The following USP13 variants were observed in gnomAD, a reference collection of about 807,000 sequenced individuals.
The protein encoded by USP13 is ubiquitin specific peptidase 13.
In USP13, 68 loss-of-function variants were observed where a neutral mutation model predicts 107.8. The observed-to-expected ratio is 0.63, with a 90% CI of 0.52 to 0.77. The LOEUF is 0.77. USP13 is among the 30% of genes least tolerant of loss of function. USP13 has a pLI of 0.00. For missense variants in USP13, 945 were observed against 1,093.3 expected (o/e 0.86, Z 1.91); for synonymous variants, 377 against 389.5 (o/e 0.97, Z 0.38).
intron 2 of USP13, among the ~76,000 whole-genome samples, chr3:179,688,986 C>G (rs1711995844): frequency 6.6e-6 from 1 of 152,146 alleles, no homozygotes; most frequent in African/African-American, 2.4e-5. Context: ...GAACTGTAAA[C>G]CTGTAGTAGA....
At chr3:179,708,636 A>AAATG in intron 5 of USP13, 137 bp from the exon 6 acceptor site, 3 of 1,125,700 alleles carry the variant, frequency 2.7e-6, no homozygotes, top group Non-Finnish European at 3.8e-6. Flanking sequence ...TGAGGGGAGA[A>AAATG]AATGGGGAAG....
chr3:179,697,339 C>A (rs1712361610), intron 3 of USP13, among the ~76,000 whole-genome samples: 1 of 152,180 alleles, frequency 6.6e-6, no homozygotes, highest in African/African-American at 2.4e-5. Flanking sequence ...GATTTTGCAG[C>A]CCTTGGACAG....
At chr3:179,682,586 T>C (rs1227725454) in intron 2 of USP13, among the ~76,000 whole-genome samples, 1 of 152,184 alleles carries the variant, frequency 6.6e-6, no homozygotes, top group Non-Finnish European at 1.5e-5. Context: ...GAAGAGTTTT[T>C]CCCCTCGGCA....
intron 6 of USP13, among the ~76,000 whole-genome samples, chr3:179,709,495 C>T (rs1458957134): frequency 3.3e-5 from 5 of 152,148 alleles, no homozygotes; most frequent in Admixed American, 1.3e-4. Flanking sequence ...TCACATTCTC[C>T]GGGGGATTAG....
chr3:179,759,075 G>A (rs532541630), intron 16 of USP13, among the ~76,000 whole-genome samples: 8 of 152,032 alleles, frequency 5.3e-5, no homozygotes, highest in East Asian at 3.9e-4. Flanking sequence ...TCTGCCTCCC[G>A]GGTTCAAGCA....
intron 2 of USP13, among the ~76,000 whole-genome samples, chr3:179,686,099 C>T (rs1234949046): frequency 2.0e-5 from 3 of 152,210 alleles, no homozygotes; most frequent in Non-Finnish European, 2.9e-5. Flanking sequence ...TGCGCCCTCT[C>T]CCTGCCCAGC....
chr3:179,670,415 A>C (rs1560042728), intron 1 of USP13, among the ~76,000 whole-genome samples: 2 of 152,260 alleles, frequency 1.3e-5, no homozygotes, highest in East Asian at 3.9e-4. Flanking sequence ...CCTCTAGAGA[A>C]GACATCACGG....
intron 13 of USP13, among the ~76,000 whole-genome samples, chr3:179,746,045 T>C (rs1040527041): frequency 6.6e-5 from 10 of 151,926 alleles, no homozygotes; most frequent in African/African-American, 1.9e-4. Flanking sequence ...TCCAGGAGTT[T>C]TGCTACGTTC....
intron 4 of USP13, among the ~76,000 whole-genome samples, chr3:179,703,824 G>A (rs1053412403): frequency 1.3e-5 from 2 of 152,150 alleles, no homozygotes; most frequent in Admixed American, 1.3e-4. Context: ...AGGAAGTGAA[G>A]AATTTTTGAT....
At chr3:179,779,686 T>C (rs1468028653) in intron 19 of USP13, among the ~76,000 whole-genome samples, 4 of 146,068 alleles carry the variant, frequency 2.7e-5, no homozygotes, top group Non-Finnish European at 4.5e-5. Context: ...TGCTGCAATC[T>C]GTTGAAAGTC....
At chr3:179,715,021 C>T (rs1467103014) in intron 6 of USP13, among the ~76,000 whole-genome samples, 3 of 151,658 alleles carry the variant, frequency 2.0e-5, no homozygotes, top group South Asian at 4.2e-4. Context: ...AGGTGCTTGC[C>T]ACCACACTCC....
intron 2 of USP13, among the ~76,000 whole-genome samples, chr3:179,682,316 T>TAA (rs34391474): frequency 6.3e-4 from 94 of 149,910 alleles, no homozygotes; most frequent in East Asian, 2.8e-3. Context: ...CCAAAAATCA[T>TAA]AAAAAAAAAC....
chr3:179,755,022 T>C (rs761705820), intron 15 of USP13, among the ~76,000 whole-genome samples, 168 bp downstream of exon 15: 3 of 152,048 alleles, frequency 2.0e-5, no homozygotes, highest in East Asian at 1.9e-4. Flanking sequence ...ATGGCTGCAA[T>C]GGTAAACATA....
chr3:179,653,436 T>A lies in USP13; in HGVS notation c.168+43T>A. ...GGGGAGGGTCGCGGGGCCGGCGGCCTGCGGCACGTGAAGCCGGGGGAGAAG... is the reference window on the plus strand; with the variant it reads ...GGGGAGGGTCGCGGGGCCGGCGGCCAGCGGCACGTGAAGCCGGGGGAGAAG... On this transcript the variant is annotated intron_variant, in intron 1 of 20. Transcript: ENST00000263966. The surrounding 1 kb of genome is among the most constrained non-coding windows in gnomAD (Gnocchi z 4.0). The A allele has an allele frequency of 6.5e-7, 1 of 1,532,870 alleles. No homozygotes were observed. Among genetic ancestry groups the A allele is most frequent in the South Asian group, 1.2e-5 (1 of 83,156 alleles). The allele number at this position is 1,532,870 out of a possible 1,614,324, so 95.0% of individuals were successfully genotyped here. A position where few individuals can be genotyped will look rare whatever the true frequency, so the allele number is the denominator to read the frequency against.
chr3:179,757,773 A>G (rs556948292), intron 16 of USP13, among the ~76,000 whole-genome samples: 1 of 152,338 alleles, frequency 6.6e-6, no homozygotes, highest in South Asian at 2.1e-4. Context: ...ATGATTGATC[A>G]TGTAGCTTAG....
At chr3:179,764,797 C>T (rs577729997) in intron 18 of USP13, among the ~76,000 whole-genome samples, 3 of 152,172 alleles carry the variant, frequency 2.0e-5, no homozygotes, top group Non-Finnish European at 4.4e-5. Flanking sequence ...TTCCTGGTCA[C>T]ACCATAATCC....
At chr3:179,717,231 C>G (rs1009943254) in intron 6 of USP13, among the ~76,000 whole-genome samples, 4 of 152,224 alleles carry the variant, frequency 2.6e-5, no homozygotes, top group African/African-American at 9.6e-5. Flanking sequence ...ACATACAAGA[C>G]AGCATTTTCA....
At chr3:179,775,292 A>G (rs1206392131) in intron 19 of USP13, among the ~76,000 whole-genome samples, 2 of 151,952 alleles carry the variant, frequency 1.3e-5, no homozygotes, top group Non-Finnish European at 2.9e-5. Context: ...CTAGATGTAA[A>G]CGTTCTCGAA....
chr3:179,787,833 C>T lies in USP13; in HGVS notation c.*3692C>T, dbSNP rs181256392. 1.3e-5 allele frequency: 2 copies of T among 152,330 alleles called. No homozygotes were observed. Among genetic ancestry groups the T allele is most frequent in the African/African-American group, 4.8e-5 (2 of 41,560 alleles). 9.4% of individuals were successfully genotyped at this position (152,330 alleles called of 1,614,324 possible). A position where few individuals can be genotyped will look rare whatever the true frequency, so the allele number is the denominator to read the frequency against. On this transcript the variant is annotated 3_prime_UTR_variant, in exon 21 of 21. Transcript: ENST00000263966. ...GCCAGGCTGGTCTTGAACTCTTGACCTCAACCTGCCTCAGCCTCCCAAAGT... is the reference window on the plus strand; with the variant it reads ...GCCAGGCTGGTCTTGAACTCTTGACTTCAACCTGCCTCAGCCTCCCAAAGT...
Sources: gnomAD v4.1 joint callset for allele counts (sites outside exome capture counted in the v4.1 genomes callset) on GRCh38, gnomAD v4.1.1 for gene constraint, Gnocchi (gnomAD v3.1) non-coding constraint, MANE v1.5 for transcripts, NCBI Gene and HGNC (gene_info 2026-07-23, HGNC 2026-07-21) for gene names.